The following HOOK3 variants were observed in gnomAD, a reference collection of about 807,000 sequenced individuals.
HOOK3 encodes protein Hook homolog 3.
Under a neutral mutation model 116.3 loss-of-function variants are expected in HOOK3, and 24 were observed. The observed-to-expected ratio is 0.21, with a 90% CI of 0.15 to 0.29. HOOK3 has a LOEUF of 0.29. Among genes scored for constraint, HOOK3 ranks in the 10% least tolerant of loss-of-function variants. The pLI is 1.00. For synonymous variants in HOOK3, 275 were observed against 283.0 expected (o/e 0.97, Z 0.28); for missense variants, 632 against 830.2 (o/e 0.76, Z 2.93).
chr8:42,917,301 G>A (rs1414734444), intron 2 of HOOK3, among the ~76,000 whole-genome samples: 1 of 152,176 alleles, frequency 6.6e-6, no homozygotes. Flanking sequence ...AAACCCTGTT[G>A]TTAATGGTTT....
At chr8:42,974,015 T>A in intron 12 of HOOK3, 92 bp from the exon 13 acceptor site, 2 of 843,762 alleles carry the variant, frequency 2.4e-6, no homozygotes, top group Admixed American at 4.1e-5. Flanking sequence ...ATGTTCACTA[T>A]TGTTTATCAT....
At chr8:42,929,373 GC>G (rs1183397446) in intron 3 of HOOK3, among the ~76,000 whole-genome samples, 2 of 152,112 alleles carry the variant, frequency 1.3e-5, no homozygotes, top group Non-Finnish European at 2.9e-5. Context: ...TTATTTGAAA[GC>G]CTCAGTCCCT....
intron 21 of HOOK3, 101 bp from the exon 22 acceptor site, chr8:43,018,256 CT>C: frequency 9.1e-7 from 1 of 1,097,830 alleles, no homozygotes; most frequent in Non-Finnish European, 1.3e-6. Flanking sequence ...CCTAATTGTG[CT>C]TTATGATACA....
At chr8:42,920,051 T>C (rs569869279) in intron 2 of HOOK3, among the ~76,000 whole-genome samples, 8 of 152,092 alleles carry the variant, frequency 5.3e-5, no homozygotes, top group Admixed American at 1.3e-4. Flanking sequence ...TAGCTTAAGC[T>C]GTGAGTGGTA....
intron 17 of HOOK3, among the ~76,000 whole-genome samples, chr8:43,006,584 A>C (rs900601522): frequency 6.6e-6 from 1 of 152,182 alleles, no homozygotes; most frequent in African/African-American, 2.4e-5. Flanking sequence ...TGGCCTCCCA[A>C]AGTGCTAGGA....
intron 15 of HOOK3, among the ~76,000 whole-genome samples, chr8:42,996,852 T>G (rs1453509396): frequency 1.3e-5 from 2 of 151,734 alleles, no homozygotes; most frequent in East Asian, 1.9e-4. Context: ...TTGTTTACAC[T>G]TTTTCCTCCC....
Position 43,021,110 on chromosome 8 carries a change from A to C in HOOK3, c.*2612A>C, listed in dbSNP as rs1212529803. ...GAGCGAAACTCTGTCGCAAGAAAAA[A>C]AAAAAAAAAAAAAAAAAAAAAAACA... On this transcript the variant is annotated 3_prime_UTR_variant, in exon 22 of 22. Coordinates refer to ENST00000307602, the MANE Select transcript of HOOK3 (RefSeq NM_032410.4). 5.5e-6 allele frequency: 1 copy of C among 180,716 alleles called. No homozygotes were observed. Among genetic ancestry groups the C allele is most frequent in the African/African-American group, 2.5e-5 (1 of 39,706 alleles). 11.2% of individuals were successfully genotyped at this position (180,716 alleles called of 1,614,324 possible).
chr8:42,963,269 C>A (rs923596988), intron 8 of HOOK3, among the ~76,000 whole-genome samples: 3 of 152,140 alleles, frequency 2.0e-5, no homozygotes, highest in Non-Finnish European at 2.9e-5. Context: ...GGTTGAGCAT[C>A]CTAAATCCAA....
At chr8:42,918,226 T>C (rs996939125) in intron 2 of HOOK3, among the ~76,000 whole-genome samples, 1 of 152,038 alleles carries the variant, frequency 6.6e-6, no homozygotes, top group African/African-American at 2.4e-5. Context: ...TAGTCCCAGC[T>C]ACTAGGGAGG....
At chr8:42,960,115 A>AACTCTT (rs1490914972) in intron 8 of HOOK3, among the ~76,000 whole-genome samples, 5 of 152,240 alleles carry the variant, frequency 3.3e-5, no homozygotes, top group Non-Finnish European at 5.9e-5. Context: ...TTATACTAAT[A>AACTCTT]AGATTTCATT....
At chr8:42,996,071 A>G (rs1431832493) in intron 15 of HOOK3, among the ~76,000 whole-genome samples, 4 of 152,058 alleles carry the variant, frequency 2.6e-5, no homozygotes, top group African/African-American at 7.2e-5. Context: ...ATGTTGCATC[A>G]TGACCTAGAG....
At chr8:42,984,979 C>G (rs1809023736) in intron 14 of HOOK3, among the ~76,000 whole-genome samples, 1 of 151,920 alleles carries the variant, frequency 6.6e-6, no homozygotes. Flanking sequence ...AAAATATGCT[C>G]TGTGTCCAGA....
intron 4 of HOOK3, among the ~76,000 whole-genome samples, chr8:42,941,287 G>A (rs1030154552): frequency 1.2e-4 from 18 of 148,862 alleles, no homozygotes; most frequent in African/African-American, 3.2e-4. Flanking sequence ...AGGCCGAGGC[G>A]GGCGGATCAC....
At chr8:42,965,721 C>G (rs1478299584) in intron 9 of HOOK3, among the ~76,000 whole-genome samples, 3 of 151,924 alleles carry the variant, frequency 2.0e-5, no homozygotes, top group Non-Finnish European at 4.4e-5. Flanking sequence ...CTTGTTATTC[C>G]TCAGTGAAAT....
chr8:42,915,144 C>A (rs1807506409), intron 2 of HOOK3, among the ~76,000 whole-genome samples: 1 of 152,168 alleles, frequency 6.6e-6, no homozygotes, highest in Non-Finnish European at 1.5e-5. Flanking sequence ...CTTCTAAATT[C>A]CTCAGATAAG....
intron 19 of HOOK3, among the ~76,000 whole-genome samples, chr8:43,011,307 T>C (rs1295123702): frequency 2.0e-5 from 3 of 152,166 alleles, no homozygotes; most frequent in Non-Finnish European, 4.4e-5. Context: ...GGGTCAGTTT[T>C]CTTACAGATG....
At chr8:42,910,287 C>T (rs1349712028) in intron 2 of HOOK3, among the ~76,000 whole-genome samples, 1 of 152,028 alleles carries the variant, frequency 6.6e-6, no homozygotes, top group Non-Finnish European at 1.5e-5. Context: ...TTTCATTTAC[C>T]AAAGTCTTAT....
chr8:43,009,279 A>G (rs1044415943), intron 18 of HOOK3, among the ~76,000 whole-genome samples: 6 of 149,318 alleles, frequency 4.0e-5, no homozygotes, highest in African/African-American at 1.5e-4. Flanking sequence ...GGTGGCAAAC[A>G]CCTGTAGACC....
intron 1 of HOOK3, among the ~76,000 whole-genome samples, chr8:42,897,506 C>G (rs1163895061): frequency 1.3e-5 from 2 of 152,132 alleles, no homozygotes; most frequent in African/African-American, 4.8e-5. Flanking sequence ...GTCCAGGACC[C>G]GCCGCCGCTC....
Sources: gnomAD v4.1 joint callset for allele counts (sites outside exome capture counted in the v4.1 genomes callset) on GRCh38, gnomAD v4.1.1 for gene constraint, MANE v1.5 for transcripts, NCBI Gene and HGNC (gene_info 2026-07-23, HGNC 2026-07-21) for gene names.